DIAPH1: variants seen among roughly 807,000 people sequenced by gnomAD.
DIAPH1 encodes the protein protein diaphanous homolog 1.
Under a neutral mutation model 140.7 loss-of-function variants are expected in DIAPH1, and 46 were observed. The ratio of observed to expected loss-of-function variants is 0.33; its 90% CI spans 0.26 to 0.42. The LOEUF (loss-of-function observed/expected upper bound fraction) is 0.42, where lower values mean the gene tolerates loss of function less well. Ranked by LOEUF, DIAPH1 falls within the 10% of genes least tolerant of loss-of-function variation. The pLI, the probability that DIAPH1 is intolerant of heterozygous loss-of-function variation, is 1.00. For synonymous variants in DIAPH1, 565 were observed against 551.6 expected (o/e 1.02, Z -0.34); for missense variants, 1,310 against 1,558.7 (o/e 0.84, Z 2.69).
At chr5:141,550,261 T>C (rs1006573409) in intron 18 of DIAPH1, among the ~76,000 whole-genome samples, 4 of 152,124 alleles carry the variant, frequency 2.6e-5, no homozygotes, top group African/African-American at 9.7e-5. Flanking sequence ...AATCTAATAA[T>C]GAGGACACGA....
intron 26 of DIAPH1, among the ~76,000 whole-genome samples, chr5:141,525,683 T>C (rs943297507): frequency 6.6e-6 from 1 of 151,738 alleles, no homozygotes; most frequent in Non-Finnish European, 1.5e-5. Context: ...AGGAAAATAT[T>C]TTACAGAAAA....
chr5:141,541,488 G>A (rs2099889955), intron 18 of DIAPH1, among the ~76,000 whole-genome samples: 1 of 152,104 alleles, frequency 6.6e-6, no homozygotes, highest in Non-Finnish European at 1.5e-5. Context: ...AGGAGTTCGA[G>A]ATCAGCCTGG....
intron 1 of DIAPH1, among the ~76,000 whole-genome samples, chr5:141,601,614 C>T (rs2099900153): frequency 6.6e-6 from 1 of 152,186 alleles, no homozygotes; most frequent in African/African-American, 2.4e-5. Flanking sequence ...CTTAACAGAT[C>T]ATTTGTTGTA....
intron 1 of DIAPH1, among the ~76,000 whole-genome samples, chr5:141,591,712 A>ATATATATATATATATATATATATATATT (rs1426398756): frequency 2.8e-5 from 2 of 71,666 alleles, no homozygotes; most frequent in South Asian, 4.6e-4. Flanking sequence ...ATATATATAT[A>ATATATATATATATATATATATATATATT]TATATATATA....
chr5:141,542,260 C>T (rs550304930), intron 18 of DIAPH1, among the ~76,000 whole-genome samples: 1 of 152,180 alleles, frequency 6.6e-6, no homozygotes, highest in African/African-American at 2.4e-5. Flanking sequence ...GGTGAAATGC[C>T]ATTTCTACTA....
At chr5:141,560,741 G>A in intron 18 of DIAPH1, 1 of 404,086 alleles carries the variant, frequency 2.5e-6, no homozygotes, top group South Asian at 1.8e-5. Flanking sequence ...CCATAACAAA[G>A]GATTCTAGAA....
At chr5:141,524,100 C>CAA (rs770915828) in intron 27 of DIAPH1, 43 bp downstream of exon 27, 1 of 1,559,648 alleles carries the variant, frequency 6.4e-7, no homozygotes. Context: ...AGAGAGCCCT[C>CAA]ACCCCCTTCG....
rs541329180 is a variant in DIAPH1 at position 141,615,537 on chromosome 5, C to A, written c.117+3261G>T. On this transcript the variant is annotated intron_variant, in intron 1 of 27. Coordinates refer to ENST00000389054, the MANE Select transcript of DIAPH1 (RefSeq NM_005219.5). ...TGGGCAGATCACGAGGTCAGGAGAT[C>A]GACAACATCCTGGCTAACACGGTGA... Among the ~76,000 whole-genome samples the A allele has an allele frequency of 4.1e-3, 624 of 151,594 alleles. 10 individuals carry two copies. Among genetic ancestry groups the A allele is most frequent in the Middle Eastern group, 6.8e-3 (2 of 292 alleles).
chr5:141,583,215 T>C lies in DIAPH1; in HGVS notation c.611A>G (p.Glu204Gly), dbSNP rs1193410497. 6.2e-7 allele frequency: 1 copy of C among 1,614,144 alleles called. No homozygotes were observed. The highest frequency in any genetic ancestry group is 1.1e-5 in the South Asian group (1 of 91,084). Residue 204 changes from glutamate to glycine, a missense_variant, in exon 6 of 28, where the codon GAG becomes GGG. Around this residue, in one of 3 missense-constraint regions of DIAPH1, gnomAD observed 377 missense variants for 497.1 expected, o/e 0.76. Coordinates refer to ENST00000389054, the MANE Select transcript of DIAPH1 (RefSeq NM_005219.5). ...ILKRLHDEKE[E>G]TAGSYDSRNK... The stretch of plus-strand genomic sequence containing the variant: ...ACTTGGAAGTCCTCACCCAGCAGTC[T>C]CTTCTTTCTCATCATGAAGTCGTTT...
intron 18 of DIAPH1, among the ~76,000 whole-genome samples, chr5:141,566,504 A>G (rs1004396125): frequency 3.9e-5 from 6 of 152,196 alleles, no homozygotes; most frequent in Non-Finnish European, 7.3e-5. Flanking sequence ...TCCTTTTAGT[A>G]AAGAGGCAAA....
At chr5:141,541,839 C>G (rs536721349) in intron 18 of DIAPH1, among the ~76,000 whole-genome samples, 1 of 152,068 alleles carries the variant, frequency 6.6e-6, no homozygotes, top group Non-Finnish European at 1.5e-5. Context: ...ACAAAAGTTA[C>G]GTGACCCAAC....
chr5:141,535,692 A>ACATAGGAAAAAAC (rs1169976212), intron 18 of DIAPH1, among the ~76,000 whole-genome samples: 1 of 152,228 alleles, frequency 6.6e-6, no homozygotes, highest in Non-Finnish European at 1.5e-5. Flanking sequence ...GTTGAGCAAT[A>ACATAGGAAAAAAC]CATAGGAAAA....
At chr5:141,531,528 C>G (rs1359615858) in intron 19 of DIAPH1, among the ~76,000 whole-genome samples, 1 of 152,102 alleles carries the variant, frequency 6.6e-6, no homozygotes, top group Non-Finnish European at 1.5e-5. Flanking sequence ...CACTCTGTCA[C>G]CCAGGCTGGT....
At chr5:141,526,635 C>T (rs1255483936) in intron 24 of DIAPH1, among the ~76,000 whole-genome samples, 174 bp from the exon 25 acceptor site, 1 of 152,176 alleles carries the variant, frequency 6.6e-6, no homozygotes, top group Non-Finnish European at 1.5e-5. Context: ...GAATAGTAAA[C>T]CATGAACTAT....
At chr5:141,591,392 T>G (rs947228545) in intron 1 of DIAPH1, among the ~76,000 whole-genome samples, 1 of 151,954 alleles carries the variant, frequency 6.6e-6, no homozygotes, top group Admixed American at 6.6e-5. Context: ...GCCTGTAACT[T>G]AAGTCATTAT....
intron 1 of DIAPH1, among the ~76,000 whole-genome samples, chr5:141,597,768 T>C (rs1667395737): frequency 6.6e-6 from 1 of 152,236 alleles, no homozygotes; most frequent in African/African-American, 2.4e-5. Flanking sequence ...ACCCAGATGG[T>C]TGGCCTGTCT....
chr5:141,547,074 A>G (rs912188555), intron 18 of DIAPH1, among the ~76,000 whole-genome samples: 4 of 152,244 alleles, frequency 2.6e-5, no homozygotes, highest in Admixed American at 6.5e-5. Flanking sequence ...CAGTTTCCCA[A>G]AAAGGACTTT....
chr5:141,566,802 G>T (rs2099894440), intron 18 of DIAPH1, among the ~76,000 whole-genome samples: 1 of 152,148 alleles, frequency 6.6e-6, no homozygotes, highest in Non-Finnish European at 1.5e-5. Flanking sequence ...GGCTGAGGCA[G>T]GAGAATTGCT....
At chr5:141,543,793 C>T (rs144613910) in intron 18 of DIAPH1, among the ~76,000 whole-genome samples, 1 of 151,924 alleles carries the variant, frequency 6.6e-6, no homozygotes, top group Non-Finnish European at 1.5e-5. Flanking sequence ...TGTACACACA[C>T]AAAAAATGGG....
Sources: gnomAD v4.1 joint callset for allele counts (sites outside exome capture counted in the v4.1 genomes callset) on GRCh38, gnomAD v4.1.1 for gene constraint, gnomAD v4.1.1 regional missense constraint, MANE v1.5 for transcripts, NCBI Gene and HGNC (gene_info 2026-07-23, HGNC 2026-07-21) for gene names.